Variants in TRPM1 observed in about 807,000 individuals in gnomAD.
The protein encoded by TRPM1 is TRPM1-203 APA Isoform, Intron 10.
A neutral mutation model predicts 149.4 loss-of-function variants in TRPM1; 113 were observed. The observed-to-expected ratio is 0.76, with a 90% confidence interval of 0.65 to 0.88. The LOEUF (loss-of-function observed/expected upper bound fraction) is 0.88, where lower values mean the gene tolerates loss of function less well. Ranked by LOEUF, TRPM1 falls within the 40% of genes least tolerant of loss-of-function variation. TRPM1 has a pLI of 0.00. For missense variants in TRPM1, 1,976 were observed against 2,038.7 expected (o/e 0.97, Z 0.59); for synonymous variants, 741 against 759.5 (o/e 0.98, Z 0.40).
chr15:31,045,256 T>C (rs902772812), intron 16 of TRPM1, among the ~76,000 whole-genome samples: 4 of 152,236 alleles, frequency 2.6e-5, no homozygotes, highest in African/African-American at 9.6e-5. Context: ...TTAAAAAGAA[T>C]GTTTCCAAGA....
chr15:31,056,975 C>T (rs2034102752), intron 11 of TRPM1, among the ~76,000 whole-genome samples: 1 of 152,164 alleles, frequency 6.6e-6, no homozygotes, highest in African/African-American at 2.4e-5. Context: ...GTAAAAGTTA[C>T]TTGAAGATGT....
At chr15:31,075,346 G>A (rs2034661598) in intron 3 of TRPM1, among the ~76,000 whole-genome samples, 1 of 152,096 alleles carries the variant, frequency 6.6e-6, no homozygotes, top group African/African-American at 2.4e-5. Context: ...ATGCATTTTG[G>A]TGCTGTTTTA....
At chr15:31,113,859 AC>A (rs772870337) in intron 1 of TRPM1, among the ~76,000 whole-genome samples, 3 of 151,640 alleles carry the variant, frequency 2.0e-5, no homozygotes, top group East Asian at 3.9e-4. Flanking sequence ...ACGCTCCCAC[AC>A]GCTGGAAGGG....
At position 31,032,293 on chromosome 15, in the gene TRPM1, T is replaced by G. The variant is rs574789066; in HGVS notation, c.2952+396A>C. ...CTCATTAATAATAAATCAGAAGGAA[T>G]AAAAAACAAACGTAATTAGTCACCC... On this transcript the variant is annotated intron_variant, in intron 22 of 27. Coordinates refer to ENST00000256552, the MANE Select transcript of TRPM1 (RefSeq NM_001252024.2). Among the ~76,000 whole-genome samples, 20 of 152,034 alleles carry G rather than the reference T, an allele frequency of 1.3e-4. No homozygotes were observed. The East Asian group carries it at 3.9e-3, about 29-fold the overall frequency.
At chr15:31,131,750 G>A (rs768659305) in intron 1 of TRPM1, among the ~76,000 whole-genome samples, 1 of 152,196 alleles carries the variant, frequency 6.6e-6, no homozygotes, top group Non-Finnish European at 1.5e-5. Context: ...GGTGGAAGCA[G>A]TGAGTGGGTG....
chr15:31,059,110 GCAA>G (rs1462317435), intron 11 of TRPM1, among the ~76,000 whole-genome samples: 1 of 152,044 alleles, frequency 6.6e-6, no homozygotes, highest in Admixed American at 6.6e-5. Flanking sequence ...AATTAAACAG[GCAA>G]CTATCAAATC....
intron 1 of TRPM1, among the ~76,000 whole-genome samples, chr15:31,084,500 A>C (rs2034944002): frequency 6.6e-6 from 1 of 152,058 alleles, no homozygotes; most frequent in Non-Finnish European, 1.5e-5. Context: ...GCTCGGCGTC[A>C]TGTTTTCAAG....
At chr15:31,103,266 C>T (rs2035550911), upstream of TRPM1, among the ~76,000 whole-genome samples, 1 of 152,194 alleles carries the variant, frequency 6.6e-6, no homozygotes, top group Non-Finnish European at 1.5e-5. Flanking sequence ...ACCCCTCCTC[C>T]CCAGGGTCCA....
intron 1 of TRPM1, among the ~76,000 whole-genome samples, chr15:31,119,670 T>C (rs772570010): frequency 2.1e-4 from 32 of 152,168 alleles, no homozygotes; most frequent in Non-Finnish European, 3.7e-4. Flanking sequence ...CAACAATGTA[T>C]TTGGCGATTA....
rs199500319 is a variant in TRPM1 at position 31,065,563 on chromosome 15, TC to T, written c.790+512del. Among the ~76,000 whole-genome samples, 1,040 of 152,160 alleles carry T rather than the reference TC, an allele frequency of 6.8e-3. 4 individuals are homozygous for T. Among genetic ancestry groups the T allele is most frequent in the Non-Finnish European group, 0.01 (695 of 67,994 alleles). On this transcript the variant is annotated intron_variant, in intron 7 of 27. Coordinates refer to ENST00000256552, the MANE Select transcript of TRPM1 (RefSeq NM_001252024.2). Reference sequence around the variant, plus strand: ...TCAGCTTTCGTCTGACAGTGACAGCTCCCCCTCAGGACCAGCAAGGATGATG... The same window carrying T: ...TCAGCTTTCGTCTGACAGTGACAGCTCCCCTCAGGACCAGCAAGGATGATG...
intron 1 of TRPM1, among the ~76,000 whole-genome samples, chr15:31,089,893 C>T (rs913003496): frequency 4.6e-5 from 7 of 152,190 alleles, no homozygotes; most frequent in Non-Finnish European, 8.8e-5. Context: ...ACTGATGTCA[C>T]CTGGGGCAGA....
intron 1 of TRPM1, among the ~76,000 whole-genome samples, chr15:31,123,221 T>C (rs1336701009): frequency 6.6e-6 from 1 of 152,122 alleles, no homozygotes; most frequent in Non-Finnish European, 1.5e-5. Flanking sequence ...AAACATAAAA[T>C]TATAAAACAT....
At chr15:31,106,650 C>T (rs575906274), upstream of TRPM1, among the ~76,000 whole-genome samples, 1 of 152,152 alleles carries the variant, frequency 6.6e-6, no homozygotes, top group East Asian at 1.9e-4. Context: ...GGCCCGAATC[C>T]CTGAGTGGAT....
At chr15:31,092,642 C>T (rs971867326) in intron 1 of TRPM1, among the ~76,000 whole-genome samples, 6 of 152,234 alleles carry the variant, frequency 3.9e-5, no homozygotes, top group African/African-American at 1.4e-4. Flanking sequence ...CCAGCACTTC[C>T]ACACTGAGGT....
intron 1 of TRPM1, among the ~76,000 whole-genome samples, chr15:31,096,557 C>T (rs954182853): frequency 6.6e-6 from 1 of 152,186 alleles, no homozygotes; most frequent in East Asian, 1.9e-4. Context: ...CCGAAAAGCA[C>T]AGCAGTTGGG....
At chr15:31,139,191 G>C (rs1471361157) in intron 1 of TRPM1, among the ~76,000 whole-genome samples, 1 of 152,166 alleles carries the variant, frequency 6.6e-6, no homozygotes, top group Non-Finnish European at 1.5e-5. Context: ...CCATGAAAAA[G>C]GCAGGCATAT....
chr15:31,012,988 CT>C (rs569663527), intron 27 of TRPM1, among the ~76,000 whole-genome samples: 2,665 of 110,290 alleles, frequency 0.024, 50 homozygotes, highest in African/African-American at 0.088. Flanking sequence ...TTTTTTTTTT[CT>C]TTTTTTTTTT....
At chr15:31,159,584 C>T (rs767412099) in intron 1 of TRPM1, among the ~76,000 whole-genome samples, 3 of 152,156 alleles carry the variant, frequency 2.0e-5, no homozygotes, top group Non-Finnish European at 4.4e-5. Flanking sequence ...ATGCGCCTGT[C>T]CCCCACTGAG....
Position 31,100,277 on chromosome 15 carries a change from A to G in TRPM1, c.-84+1380T>C, listed in dbSNP as rs531217090. Among the ~76,000 whole-genome samples, 6 of 151,936 alleles carry G rather than the reference A, an allele frequency of 3.9e-5. No homozygotes were observed. The South Asian group carries it at 1.2e-3, about 32-fold the overall frequency. On this transcript the variant is annotated intron_variant, in intron 1 of 27. Coordinates refer to ENST00000256552, the MANE Select transcript of TRPM1 (RefSeq NM_001252024.2). ...TTTTTAGTAGAGACAGGGTTTCACC[A>G]TGTTGGCTAGGATGGTCTCTATCTC...
Sources: allele counts gnomAD v4.1 joint callset (sites outside exome capture counted in the v4.1 genomes callset), GRCh38; gene constraint gnomAD v4.1.1; transcripts MANE v1.5; gene names NCBI Gene and HGNC (gene_info 2026-07-23, HGNC 2026-07-21).